Variants in TBC1D2 observed in about 807,000 individuals in gnomAD.
TBC1D2 encodes the protein TBC1 domain family member 2, also known as TBC1 domain family member 2A.
A neutral mutation model predicts 91.1 loss-of-function variants in TBC1D2; 58 were observed. The observed-to-expected ratio is 0.64, with a 90% CI of 0.52 to 0.79. The LOEUF (loss-of-function observed/expected upper bound fraction) is 0.79, where lower values mean the gene tolerates loss of function less well. Ranked by LOEUF, TBC1D2 falls within the 30% of genes least tolerant of loss-of-function variation. The pLI is 0.00. For missense variants in TBC1D2, 1,080 were observed against 1,208.3 expected, an observed-to-expected ratio of 0.89 and a Z score of 1.57; for synonymous variants, 482 against 511.5, an observed-to-expected ratio of 0.94 and a Z score of 0.78.
chr9:98,218,472 C>A (rs1372815370), intron 6 of TBC1D2, among the ~76,000 whole-genome samples: 1 of 152,028 alleles, frequency 6.6e-6, no homozygotes. Context: ...GAGGCTGAGG[C>A]AGGAGAATGG....
rs114569582 is a variant in TBC1D2 at position 98,209,254 on chromosome 9, G to C, written c.1674-110C>G. 23 of 1,029,214 alleles carry C rather than the reference G, an allele frequency of 2.2e-5. No homozygotes were observed. In the South Asian group the frequency reaches 3.2e-4, roughly 14 times the overall value. 63.8% of individuals were successfully genotyped at this position (1,029,214 alleles called of 1,614,324 possible). A position where few individuals can be genotyped will look rare whatever the true frequency, so the allele number is the denominator to read the frequency against. Reference sequence around the variant, plus strand: ...AGGTTCCTGCCCTGCCTTCACTGAGGGTTAACCACACAGCTCTGGGCAGGT... The same window carrying C: ...AGGTTCCTGCCCTGCCTTCACTGAGCGTTAACCACACAGCTCTGGGCAGGT... On this transcript the variant is annotated intron_variant, in intron 8 of 12. Coordinates refer to ENST00000465784, the MANE Select transcript of TBC1D2 (RefSeq NM_001267571.2).
chr9:98,232,340 C>CTCTTTTTTTTTTTTTTT (rs1554754378), intron 4 of TBC1D2, among the ~76,000 whole-genome samples: 1 of 52,050 alleles, frequency 1.9e-5, no homozygotes, highest in African/African-American at 1.6e-4. Context: ...TTCTCTTTTT[C>CTCTTTTTTTTTTTTTTT]TGTTTTTTTT....
rs1254423346 is a variant in TBC1D2 at position 98,199,242 on chromosome 9, A to C, written c.*139T>G. On this transcript the variant is annotated 3_prime_UTR_variant, in exon 13 of 13. Transcript: ENST00000465784. ...ACACAATGTCCCAGTGGGGAAACTG[A>C]GGGCCAGAGAGGGGAAGGGACATGT... The C allele has an allele frequency of 2.2e-6, 2 of 908,456 alleles. No homozygotes were observed. The highest frequency in any genetic ancestry group is 3.3e-5 in the African/African-American group (2 of 60,342). The allele number at this position is 908,456 out of a possible 1,614,324, so 56.3% of individuals were successfully genotyped here. A position where few individuals can be genotyped will look rare whatever the true frequency, so the allele number is the denominator to read the frequency against.
At chr9:98,227,893 G>A (rs932393671) in intron 5 of TBC1D2, among the ~76,000 whole-genome samples, 21 of 152,142 alleles carry the variant, frequency 1.4e-4, no homozygotes, top group Non-Finnish European at 2.5e-4. Context: ...GGCAGACGAG[G>A]GGCCAAACTA....
Position 98,232,876 on chromosome 9 carries a change from G to A in TBC1D2, c.781+540C>T, listed in dbSNP as rs142267563. On this transcript the variant is annotated intron_variant, in intron 4 of 12. Transcript: ENST00000465784. ...TCTGTCACCCAGGCTGGAGTGCTGT[G>A]GTGCAATCTCGACTCACTACAACCT... Among the ~76,000 whole-genome samples, 569 of 152,258 alleles carry A rather than the reference G, an allele frequency of 3.7e-3. 3 individuals are homozygous for A. The highest frequency in any genetic ancestry group is 6.1e-3 in the Non-Finnish European group (414 of 68,016).
intron 2 of TBC1D2, among the ~76,000 whole-genome samples, chr9:98,246,914 C>T (rs2131289395): frequency 6.6e-6 from 1 of 152,080 alleles, no homozygotes; most frequent in African/African-American, 2.4e-5. Flanking sequence ...GAAACCAGAG[C>T]TCCTAGGGGT....
chr9:98,242,909 C>T (rs189339446), intron 3 of TBC1D2, among the ~76,000 whole-genome samples: 205 of 139,590 alleles, frequency 1.5e-3, no homozygotes, highest in African/African-American at 4.8e-3. Context: ...ACTTCCTGGG[C>T]TTGGGATTAC....
intron 5 of TBC1D2, among the ~76,000 whole-genome samples, chr9:98,224,989 C>A (rs1829197123): frequency 6.6e-6 from 1 of 152,200 alleles, no homozygotes; most frequent in African/African-American, 2.4e-5. Flanking sequence ...GGCCAAGGTA[C>A]CTCCCAGCCC....
intron 3 of TBC1D2, among the ~76,000 whole-genome samples, chr9:98,238,892 TTTG>T (rs984451863): frequency 6.6e-6 from 1 of 151,554 alleles, no homozygotes; most frequent in African/African-American, 2.4e-5. Context: ...CCGGCTAATT[TTTG>T]TATTTTTAGT....
intron 6 of TBC1D2, among the ~76,000 whole-genome samples, chr9:98,220,285 C>T (rs529680471): frequency 6.6e-6 from 1 of 152,344 alleles, no homozygotes; most frequent in East Asian, 1.9e-4. Flanking sequence ...GCGGCTGCCT[C>T]ACCTCACAGG....
chr9:98,221,631 G>A (rs1829104224), intron 5 of TBC1D2, among the ~76,000 whole-genome samples: 1 of 152,212 alleles, frequency 6.6e-6, no homozygotes, highest in Non-Finnish European at 1.5e-5. Context: ...GAAGGTACAT[G>A]TTGAGAAAGG....
At chr9:98,208,444 C>G (rs559502737) in intron 9 of TBC1D2, among the ~76,000 whole-genome samples, 44 of 152,320 alleles carry the variant, frequency 2.9e-4, no homozygotes, top group African/African-American at 1.1e-3. Flanking sequence ...AGATCCCTCG[C>G]ATGCAGAGTT....
At chr9:98,246,677 G>A (rs1275767442) in intron 2 of TBC1D2, among the ~76,000 whole-genome samples, 3 of 152,170 alleles carry the variant, frequency 2.0e-5, no homozygotes, top group Non-Finnish European at 4.4e-5. Context: ...TCCAACCCAG[G>A]TCAGGGGAAA....
At chr9:98,209,209 G>A in intron 8 of TBC1D2, 65 bp from the exon 9 acceptor site, 1 of 1,495,974 alleles carries the variant, frequency 6.7e-7, no homozygotes, top group South Asian at 1.2e-5. Flanking sequence ...GGGTGGTGGT[G>A]ACAGGGAGGA....
At chr9:98,242,803 C>CGTTT (rs1554682272) in intron 3 of TBC1D2, among the ~76,000 whole-genome samples, 2 of 83,174 alleles carry the variant, frequency 2.4e-5, no homozygotes, top group Non-Finnish European at 4.3e-5. Context: ...ACACTGCTGC[C>CGTTT]TTTTTTTTTT....
Position 98,201,473 on chromosome 9 carries a change from C to T in TBC1D2, c.2457+6G>A, listed in dbSNP as rs1376736692. On this transcript the variant is annotated splice_donor_region_variant and intron_variant, in intron 11 of 12. Transcript: ENST00000465784. ...GCCCCCTGCCCATCCCCTGGCTGCA[C>T]CCTACCTTCGTCCCCTCGTACAGGA... 6.2e-7 allele frequency: 1 copy of T among 1,612,200 alleles called. No homozygotes were observed. The highest frequency in any genetic ancestry group is 8.5e-7 in the Non-Finnish European group (1 of 1,178,688).
chr9:98,210,795 C>T lies in TBC1D2; in HGVS notation c.1534G>A (p.Ala512Thr). The change falls in exon 8 of 13, where the codon GCC becomes ACC. Residue 512 changes from alanine to threonine, a missense_variant. Coordinates refer to ENST00000465784, the MANE Select transcript of TBC1D2 (RefSeq NM_001267571.2). ...RNCQVESKYLAGLRRLQEALG... is the reference protein window; with the variant it reads ...RNCQVESKYLTGLRRLQEALG... ...GCCTCCTGCAGCCTTCTCAGACCGG[C>T]CAGGTACTTGCTTTCCACCTGGCAG... 1 of 1,554,238 alleles carries T rather than the reference C, an allele frequency of 6.4e-7. No homozygotes were observed. The highest frequency in any genetic ancestry group is 8.7e-7 in the Non-Finnish European group (1 of 1,148,450).
intron 1 of TBC1D2, among the ~76,000 whole-genome samples, chr9:98,253,932 A>G (rs1002369661): frequency 6.6e-6 from 1 of 152,226 alleles, no homozygotes; most frequent in Admixed American, 6.5e-5. Context: ...ACAATGGAAT[A>G]CTATTATAAA....
chr9:98,221,059 C>T lies in TBC1D2; in HGVS notation c.1148G>A (p.Arg383Gln), dbSNP rs768993588. Residue 383 changes from arginine (R) to glutamine (Q), a missense_variant, in exon 6 of 13, where the codon CGG becomes CAG. Physicochemically the swap from Arg to Gln is conservative, Grantham distance 43. Coordinates refer to ENST00000465784, the MANE Select transcript of TBC1D2 (RefSeq NM_001267571.2). ...GRRVEALEQE[R>Q]ESLAHTASLR... ...GCTCGCTGTGTGCGCCAGGCTCTCC[C>T]GCTCCTGCTCCAGGGCCTCCACCCG... is the stretch of plus-strand genomic sequence containing the variant. The T allele has an allele frequency of 4.3e-6, 7 of 1,611,288 alleles. No individual in the cohort carries two copies. The highest frequency in any genetic ancestry group is 2.2e-5 in the East Asian group (1 of 44,798).
Sources: gnomAD v4.1 joint callset for allele counts (sites outside exome capture counted in the v4.1 genomes callset) on GRCh38, gnomAD v4.1.1 for gene constraint, MANE v1.5 for transcripts, NCBI Gene and HGNC (gene_info 2026-07-23, HGNC 2026-07-21) for gene names.